HPSE2: variants seen among roughly 807,000 people sequenced by gnomAD.
HPSE2 encodes inactive heparanase-2.
In HPSE2, 38 loss-of-function variants were observed where a neutral mutation model predicts 60.5. That is an observed-to-expected ratio of 0.63 (90% CI 0.48 to 0.82). The LOEUF (loss-of-function observed/expected upper bound fraction) is 0.82, where lower values mean the gene tolerates loss of function less well. Among genes scored for constraint, HPSE2 ranks in the 40% least tolerant of loss-of-function variants. The probability of loss-of-function intolerance (pLI) is 0.00; values close to 1 mark genes in which losing one functional copy is unlikely to be tolerated. For synonymous variants in HPSE2, 295 were observed against 293.2 expected, an observed-to-expected ratio of 1.01 and a Z score of -0.06; for missense variants, 713 against 740.4, an observed-to-expected ratio of 0.96 and a Z score of 0.43.
intron 4 of HPSE2, among the ~76,000 whole-genome samples, chr10:98,727,467 A>G (rs1228325062): frequency 6.6e-6 from 1 of 152,152 alleles, no homozygotes; most frequent in Admixed American, 6.6e-5. Flanking sequence ...CCTGGCCAAC[A>G]CAGTGAAACC....
chr10:99,007,828 G>C (rs547546517), intron 3 of HPSE2, among the ~76,000 whole-genome samples: 3 of 152,266 alleles, frequency 2.0e-5, no homozygotes, highest in African/African-American at 7.2e-5. Flanking sequence ...GGAGCAGTGA[G>C]GTTAAGTTCC....
intron 3 of HPSE2, among the ~76,000 whole-genome samples, chr10:98,867,201 G>A (rs1952609426): frequency 6.6e-6 from 1 of 150,724 alleles, no homozygotes; most frequent in Non-Finnish European, 1.5e-5. Context: ...GACTAAAAGG[G>A]AATAAAGAAA....
At chr10:99,272,038 C>T in the HPSE2 span, among the ~76,000 whole-genome samples, 2 of 152,052 alleles carry the variant, frequency 1.3e-5, no homozygotes, top group Non-Finnish European at 2.9e-5. Context: ...TTTGAGAGGC[C>T]GAGGTAGGTG....
At chr10:98,723,711 G>A (rs184266523) in intron 4 of HPSE2, among the ~76,000 whole-genome samples, 76 of 152,272 alleles carry the variant, frequency 5.0e-4, no homozygotes, top group Middle Eastern at 3.4e-3. Flanking sequence ...ATGTGTCAAG[G>A]AATTTACCCA....
chr10:98,656,353 G>A (rs1947062870), intron 6 of HPSE2, among the ~76,000 whole-genome samples: 1 of 152,146 alleles, frequency 6.6e-6, no homozygotes, highest in Admixed American at 6.6e-5. Context: ...CCAAAGTGCT[G>A]GGATTACAGG....
At chr10:98,562,444 C>T (rs903943962) in intron 9 of HPSE2, among the ~76,000 whole-genome samples, 4 of 152,104 alleles carry the variant, frequency 2.6e-5, no homozygotes, top group Non-Finnish European at 5.9e-5. Context: ...TGGCCGGGCA[C>T]GGTGGCTCAT....
At chr10:98,701,496 G>A (rs1382964147) in intron 5 of HPSE2, among the ~76,000 whole-genome samples, 2 of 112,170 alleles carry the variant, frequency 1.8e-5, no homozygotes, top group Non-Finnish European at 3.5e-5. Context: ...GTTGTGGGGT[G>A]GGGGGAGGGG....
chr10:98,500,094 G>T (rs1941980944), intron 9 of HPSE2, among the ~76,000 whole-genome samples: 1 of 152,188 alleles, frequency 6.6e-6, no homozygotes, highest in African/African-American at 2.4e-5. Flanking sequence ...ATACTCCACT[G>T]ACAGCAGTAG....
intron 3 of HPSE2, among the ~76,000 whole-genome samples, chr10:98,985,094 C>A (rs1417425155): frequency 6.6e-6 from 1 of 152,122 alleles, no homozygotes; most frequent in African/African-American, 2.4e-5. Flanking sequence ...AGAATTTCCC[C>A]AATCTAGCAA....
intron 3 of HPSE2, among the ~76,000 whole-genome samples, chr10:98,920,324 C>T (rs1224775858): frequency 1.3e-5 from 2 of 152,146 alleles, no homozygotes; most frequent in Non-Finnish European, 2.9e-5. Flanking sequence ...GATATCAGAC[C>T]TGCATCACTG....
At chr10:98,524,167 A>G (rs1234228689) in intron 9 of HPSE2, among the ~76,000 whole-genome samples, 2 of 152,174 alleles carry the variant, frequency 1.3e-5, no homozygotes, top group African/African-American at 2.4e-5. Flanking sequence ...GAAATTCTCA[A>G]TAATTTTATC....
rs369284386 is a variant in HPSE2, at chr10:99,094,757, G to A, written c.610+49481C>T. 4.9e-4 allele frequency among the ~76,000 whole-genome samples: 74 copies of A among 150,846 alleles called. 1 individual carries two copies. The East Asian group carries it at 0.013, about 27-fold the overall frequency. On this transcript the variant is annotated intron_variant, in intron 3 of 11. Transcript: ENST00000370552. ...TTTTTAGTAGAGGCAGGGTTTCACC[G>A]TGTTGGCCAGGCTAGTCTCAAACTA...
intron 2 of HPSE2, among the ~76,000 whole-genome samples, chr10:99,165,531 A>ATTTT (rs1465511453): frequency 6.7e-6 from 1 of 148,466 alleles, no homozygotes; most frequent in Non-Finnish European, 1.5e-5. Flanking sequence ...TTATTTACGT[A>ATTTT]TTTATTTATT....
At chr10:99,060,752 A>G (rs1958223114) in intron 3 of HPSE2, among the ~76,000 whole-genome samples, 1 of 151,730 alleles carries the variant, frequency 6.6e-6, no homozygotes, top group South Asian at 2.1e-4. Context: ...CATACAATAG[A>G]GTACTATTTA....
At chr10:98,576,631 T>C (rs1046747449) in intron 9 of HPSE2, among the ~76,000 whole-genome samples, 4 of 151,932 alleles carry the variant, frequency 2.6e-5, no homozygotes, top group Non-Finnish European at 5.9e-5. Flanking sequence ...CCCCTGTGTT[T>C]CACAGAGGGC....
At chr10:98,635,249 T>C (rs562189231) in intron 7 of HPSE2, among the ~76,000 whole-genome samples, 2 of 152,282 alleles carry the variant, frequency 1.3e-5, no homozygotes, top group African/African-American at 4.8e-5. Flanking sequence ...CTGTGAGGTA[T>C]GGAGAAAAGA....
chr10:98,985,784 C>T (rs893445222), intron 3 of HPSE2, among the ~76,000 whole-genome samples: 6 of 151,972 alleles, frequency 3.9e-5, no homozygotes, highest in East Asian at 3.9e-4. Context: ...ACAAAATAAA[C>T]GGATGGAGGA....
At chr10:99,048,939 G>A (rs926113722) in intron 3 of HPSE2, among the ~76,000 whole-genome samples, 8 of 152,314 alleles carry the variant, frequency 5.3e-5, no homozygotes, top group Admixed American at 5.2e-4. Flanking sequence ...CAACATGGAT[G>A]GAGCTGGAGG....
At chr10:98,477,181 A>G (rs1941056209) in intron 11 of HPSE2, among the ~76,000 whole-genome samples, 2 of 152,278 alleles carry the variant, frequency 1.3e-5, no homozygotes, top group Admixed American at 6.5e-5. Context: ...GGAGGCAGGA[A>G]TTATTCTATA....
Sources: allele counts gnomAD v4.1 joint callset (sites outside exome capture counted in the v4.1 genomes callset), GRCh38; gene constraint gnomAD v4.1.1; transcripts MANE v1.5; gene names NCBI Gene and HGNC (gene_info 2026-07-23, HGNC 2026-07-21).